MAMDC2: variants seen among roughly 807,000 people sequenced by gnomAD.
MAMDC2 encodes the protein MAM domain-containing protein 2.
MAMDC2 carries 57 observed loss-of-function variants against 89.8 expected under a neutral mutation model. The observed-to-expected ratio is 0.63, with a 90% CI of 0.51 to 0.79. The LOEUF is 0.79. Among genes scored for constraint, MAMDC2 ranks in the 30% least tolerant of loss-of-function variants. The pLI is 0.00. For missense variants in MAMDC2, 800 were observed against 820.6 expected, an observed-to-expected ratio of 0.97 and a Z score of 0.31; for synonymous variants, 313 against 293.4, an observed-to-expected ratio of 1.07 and a Z score of -0.68.
At chr9:70,052,362 C>G (rs1028635117) in intron 2 of MAMDC2, among the ~76,000 whole-genome samples, 3 of 152,282 alleles carry the variant, frequency 2.0e-5, no homozygotes, top group Middle Eastern at 3.4e-3. Flanking sequence ...TTCAACATGC[C>G]CTTTACTTAC....
intron 5 of MAMDC2, among the ~76,000 whole-genome samples, chr9:70,120,477 T>G (rs1460937175): frequency 6.6e-6 from 1 of 152,170 alleles, no homozygotes; most frequent in African/African-American, 2.4e-5. Flanking sequence ...TTGCCTTCCC[T>G]GGAGAGGTCA....
chr9:70,145,277 C>CA (rs1454101099), intron 9 of MAMDC2, among the ~76,000 whole-genome samples: 1 of 152,234 alleles, frequency 6.6e-6, no homozygotes, highest in Non-Finnish European at 1.5e-5. Flanking sequence ...AGAGAGGAAG[C>CA]AAACAGGTGT....
At chr9:70,219,451 C>T (rs948898861) in intron 12 of MAMDC2, among the ~76,000 whole-genome samples, 1 of 152,242 alleles carries the variant, frequency 6.6e-6, no homozygotes, top group Non-Finnish European at 1.5e-5. Context: ...TGGACCAGCA[C>T]TCTGCGTCTT....
At chr9:70,066,117 G>A (rs930142095) in intron 2 of MAMDC2, among the ~76,000 whole-genome samples, 1 of 152,168 alleles carries the variant, frequency 6.6e-6, no homozygotes, top group African/African-American at 2.4e-5. Flanking sequence ...ATTAGGGTAA[G>A]AGGATAGGTA....
chr9:70,185,667 C>T (rs1477550490), intron 11 of MAMDC2, among the ~76,000 whole-genome samples: 1 of 152,172 alleles, frequency 6.6e-6, no homozygotes, highest in Admixed American at 6.5e-5. Flanking sequence ...ACTTCCTGGC[C>T]TCCTTAGCAC....
intron 3 of MAMDC2, chr9:70,109,444 A>G: frequency 2.7e-6 from 1 of 370,550 alleles, no homozygotes; most frequent in Admixed American, 4.5e-5. Context: ...AAGAGAAGAA[A>G]AGACAGCTGA....
chr9:70,210,877 CT>C (rs2033341340), intron 11 of MAMDC2, among the ~76,000 whole-genome samples: 1 of 152,130 alleles, frequency 6.6e-6, no homozygotes, highest in Non-Finnish European at 1.5e-5. Context: ...TTTATTTCTC[CT>C]TCACTTATGA....
chr9:70,173,509 T>C (rs12378229), intron 11 of MAMDC2, among the ~76,000 whole-genome samples: 352 of 152,326 alleles, frequency 2.3e-3, no homozygotes, highest in Non-Finnish European at 3.7e-3. Flanking sequence ...TGCAAGAGGA[T>C]TGAAGTCAAG....
chr9:70,094,488 G>C (rs1182285163), intron 2 of MAMDC2, among the ~76,000 whole-genome samples: 1 of 152,184 alleles, frequency 6.6e-6, no homozygotes, highest in Non-Finnish European at 1.5e-5. Context: ...AACAGTAGAG[G>C]TATATGTGAA....
At chr9:70,105,320 A>G (rs1828309438) in intron 2 of MAMDC2, among the ~76,000 whole-genome samples, 1 of 152,080 alleles carries the variant, frequency 6.6e-6, no homozygotes, top group Non-Finnish European at 1.5e-5. Context: ...ATGCAGCACT[A>G]TGTTTAGAAG....
At chr9:70,174,414 A>G (rs576817891) in intron 11 of MAMDC2, among the ~76,000 whole-genome samples, 1 of 152,280 alleles carries the variant, frequency 6.6e-6, no homozygotes, top group Admixed American at 6.5e-5. Context: ...GAGTTAGGGA[A>G]TCGAGAGGAG....
chr9:70,168,060 G>A (rs2032223696), intron 9 of MAMDC2, among the ~76,000 whole-genome samples: 1 of 152,196 alleles, frequency 6.6e-6, no homozygotes. Flanking sequence ...TGGGGAAAAT[G>A]TTTAAAACCT....
intron 2 of MAMDC2, among the ~76,000 whole-genome samples, chr9:70,072,554 A>G (rs1322732349): frequency 2.6e-5 from 4 of 152,130 alleles, no homozygotes. Flanking sequence ...CTCACAACAA[A>G]TCTATGAGCT....
chr9:70,084,379 A>G (rs1260148960), intron 2 of MAMDC2, among the ~76,000 whole-genome samples: 1 of 152,084 alleles, frequency 6.6e-6, no homozygotes, highest in Admixed American at 6.6e-5. Flanking sequence ...TTACAGCTCT[A>G]TCTCCAGGGA....
chr9:70,056,453 G>A (rs962167513), intron 2 of MAMDC2, among the ~76,000 whole-genome samples: 2 of 152,118 alleles, frequency 1.3e-5, no homozygotes, highest in African/African-American at 2.4e-5. Context: ...TTCTGGTGAG[G>A]AAAATGTGAG....
intron 11 of MAMDC2, among the ~76,000 whole-genome samples, chr9:70,200,555 G>A (rs1478385997): frequency 6.6e-6 from 1 of 151,290 alleles, no homozygotes; most frequent in African/African-American, 2.4e-5. Flanking sequence ...GGTTCCATAC[G>A]AACTTTAAAG....
At chr9:70,101,664 T>C (rs186583039) in intron 2 of MAMDC2, among the ~76,000 whole-genome samples, 111 of 152,352 alleles carry the variant, frequency 7.3e-4, no homozygotes, top group African/African-American at 2.5e-3. Context: ...AGTAATAGGC[T>C]GTCTCATATA....
At chr9:70,130,465 T>G (rs967418655) in intron 6 of MAMDC2, among the ~76,000 whole-genome samples, 8 of 152,198 alleles carry the variant, frequency 5.3e-5, no homozygotes, top group African/African-American at 1.9e-4. Flanking sequence ...ACAAGAGGAA[T>G]GCATACCTGG....
At position 70,127,318 on chromosome 9, in the gene MAMDC2, A is replaced by G. The variant is rs150296694; in HGVS notation, c.900+903A>G. Among the ~76,000 whole-genome samples, 101 of 152,260 alleles carry G rather than the reference A, an allele frequency of 6.6e-4. No homozygotes were observed. The Middle Eastern group carries it at 0.014, about 21-fold the overall frequency. ...AACTAAGTTCGTGGACTAAAATCTG[A>G]CCGAAAGCTGAGGAAGGAGGCCCAG... On this transcript the variant is annotated intron_variant, in intron 6 of 13. Transcript: ENST00000377182.
Sources: allele counts gnomAD v4.1 joint callset (sites outside exome capture counted in the v4.1 genomes callset), GRCh38; gene constraint gnomAD v4.1.1; transcripts MANE v1.5; gene names NCBI Gene and HGNC (gene_info 2026-07-23, HGNC 2026-07-21).